Variants in RMND1 observed in about 807,000 individuals in gnomAD.
RMND1 encodes the protein required for meiotic nuclear division 1 homolog, also known as required for meiotic nuclear division protein 1 homolog.
A neutral mutation model predicts 54.0 loss-of-function variants in RMND1; 41 were observed. That is an observed-to-expected ratio of 0.76 (90% confidence interval 0.59 to 0.98). The LOEUF (loss-of-function observed/expected upper bound fraction) is 0.98, where lower values mean the gene tolerates loss of function less well. Ranked by LOEUF, RMND1 falls within the 50% of genes least tolerant of loss-of-function variation. RMND1 has a pLI of 0.00. For synonymous variants in RMND1, 183 were observed against 181.7 expected (o/e 1.01, Z -0.06); for missense variants, 457 against 532.0 (o/e 0.86, Z 1.39).
In RMND1 at chr6:151,436,681, A is replaced by C; in HGVS notation, c.505-127T>G. 3 of 787,016 alleles carry C rather than the reference A, an allele frequency of 3.8e-6. No individual in the cohort carries two copies. The African/African-American group carries it at 5.1e-5, about 13-fold the overall frequency. 48.8% of individuals were successfully genotyped at this position (787,016 alleles called of 1,614,324 possible). On this transcript the variant is annotated intron_variant, in intron 2 of 11. Coordinates refer to ENST00000444024, the MANE Select transcript of RMND1 (RefSeq NM_017909.4). ...CCAGAATTTTCTTCAAACATCTCCA[A>C]GGGTGATACAAGGGATGGGATGAAG...
intron 8 of RMND1, among the ~76,000 whole-genome samples, chr6:151,421,679 C>T (rs1780154036): frequency 6.6e-6 from 1 of 152,098 alleles, no homozygotes; most frequent in Non-Finnish European, 1.5e-5. Context: ...ACTGAAATTT[C>T]AATATAACTT....
At position 151,405,777 on chromosome 6, in the gene RMND1, C is replaced by T. The variant is rs150395511; in HGVS notation, c.1260G>A (p.Leu420=). ...CCAAGCGGAGTGCCCTCTTCTCATT[C>T]AGGTGATTCCGCATTAGATCTGTTA... ...MELTDLMRNH[L]NEKRALRLEW... Residue 420 remains leucine, a synonymous_variant, in exon 11 of 12, where the codon CTG becomes CTA. Transcript: ENST00000444024. The T allele has an allele frequency of 3.1e-6, 5 of 1,612,644 alleles. No homozygotes were observed. Among genetic ancestry groups the T allele is most frequent in the Non-Finnish European group, 4.2e-6 (5 of 1,178,850 alleles).
At chr6:151,433,330 T>G (rs1421988939) in intron 3 of RMND1, 100 bp from the exon 4 acceptor site, 1 of 685,746 alleles carries the variant, frequency 1.5e-6, no homozygotes, top group East Asian at 2.7e-5. Flanking sequence ...GATCATTTCT[T>G]TATATACCAT....
At position 151,430,922 on chromosome 6, in the gene RMND1, C is replaced by CTTA. The variant is rs1780431788; in HGVS notation, c.690-748_690-746dup. On this transcript the variant is annotated intron_variant, in intron 4 of 11. Transcript: ENST00000444024. The stretch of plus-strand genomic sequence containing the variant: ...TTATTCTTGAAACATTTCTAAAGTA[C>CTTA]TTAGTATATGTGTGGGTCCATGCTT... Among the ~76,000 whole-genome samples the CTTA allele has an allele frequency of 3.3e-5, 5 of 152,062 alleles. No homozygotes were observed. In the South Asian group the frequency reaches 1.0e-3, roughly 32 times the overall value.
In RMND1 at chr6:151,425,946, C is replaced by CCT. The variant is rs568723629; in HGVS notation, c.830+1535_830+1536insAG. On this transcript the variant is annotated intron_variant, in intron 6 of 11. Transcript: ENST00000444024. Reference sequence around the variant, plus strand: ...TCTTCCCAAAGCTCTGCTTTTAACGCTTTTTTTTTTTTTTTGAGACAGAGT... The same window carrying CCT: ...TCTTCCCAAAGCTCTGCTTTTAACGCCTTTTTTTTTTTTTTTTGAGACAGAGT... Among the ~76,000 whole-genome samples, 5 of 137,712 alleles carry CCT rather than the reference C, an allele frequency of 3.6e-5. No individual in the cohort carries two copies. The East Asian group carries it at 6.4e-4, about 18-fold the overall frequency. 90.3% of individuals were successfully genotyped at this position (137,712 alleles called of 152,430 possible).
intron 2 of RMND1, 58 bp from the exon 3 acceptor site, chr6:151,436,612 G>T: frequency 6.4e-7 from 1 of 1,572,592 alleles, no homozygotes; most frequent in Non-Finnish European, 8.7e-7. Context: ...ATCTGTGACG[G>T]CTGCTGAGCA....
Position 151,406,361 on chromosome 6 carries a change from T to G in RMND1, c.1201-525A>C, listed in dbSNP as rs576350993. Among the ~76,000 whole-genome samples the G allele has an allele frequency of 2.0e-3, 299 of 151,302 alleles. 1 individual carries two copies. Among genetic ancestry groups the G allele is most frequent in the Non-Finnish European group, 3.0e-3 (204 of 67,880 alleles). ...ATTTGGATGTGACAACTTTTTTTTTTGTTGTTGTTGTTGTTTTTTGGGATG... is the reference window on the plus strand; with the variant it reads ...ATTTGGATGTGACAACTTTTTTTTTGGTTGTTGTTGTTGTTTTTTGGGATG... On this transcript the variant is annotated intron_variant, in intron 10 of 11. Coordinates refer to ENST00000444024, the MANE Select transcript of RMND1 (RefSeq NM_017909.4).
intron 6 of RMND1, among the ~76,000 whole-genome samples, chr6:151,426,899 A>G (rs1055622124): frequency 6.6e-6 from 1 of 151,816 alleles, no homozygotes; most frequent in Non-Finnish European, 1.5e-5. Context: ...CCTCCCGAGT[A>G]GCTGGGATTA....
chr6:151,430,278 G>A (rs1780416384), intron 4 of RMND1, 101 bp from the exon 5 acceptor site: 8 of 773,634 alleles, frequency 1.0e-5, no homozygotes, highest in Admixed American at 4.7e-5. Flanking sequence ...TACAGGATGC[G>A]ATTTTTCAAA....
chr6:151,447,252 C>G (rs377154945), intron 1 of RMND1, among the ~76,000 whole-genome samples: 5 of 152,146 alleles, frequency 3.3e-5, no homozygotes, highest in African/African-American at 1.2e-4. Context: ...TAAAGTCATC[C>G]TAAAAAGTTT....
intron 10 of RMND1, among the ~76,000 whole-genome samples, chr6:151,415,023 T>G (rs1414466091): frequency 2.0e-5 from 3 of 149,448 alleles, no homozygotes; most frequent in Non-Finnish European, 4.4e-5. Flanking sequence ...AGACTTACCT[T>G]AAAAGAATGG....
chr6:151,421,855 C>T (rs1167868937), intron 8 of RMND1, among the ~76,000 whole-genome samples: 10 of 151,866 alleles, frequency 6.6e-5, no homozygotes, highest in African/African-American at 2.4e-4. Flanking sequence ...GGCTCGTGGC[C>T]TGTAATGCTA....
At chr6:151,428,279 T>C (rs1780359339) in intron 5 of RMND1, among the ~76,000 whole-genome samples, 1 of 152,222 alleles carries the variant, frequency 6.6e-6, no homozygotes, top group African/African-American at 2.4e-5. Context: ...AGACTTTTTA[T>C]GTGTATATAT....
At chr6:151,449,794 G>A (rs915243811) in intron 1 of RMND1, among the ~76,000 whole-genome samples, 2 of 152,214 alleles carry the variant, frequency 1.3e-5, no homozygotes, top group Admixed American at 6.5e-5. Flanking sequence ...GATTACAGGC[G>A]CATGCCGCCA....
chr6:151,446,011 A>G lies in RMND1; in HGVS notation c.-14-186T>C, dbSNP rs1582971145. The G allele has an allele frequency of 1.4e-5, 8 of 556,598 alleles. No homozygotes were observed. The East Asian group carries it at 2.4e-4, about 17-fold the overall frequency. 34.5% of individuals were successfully genotyped at this position (556,598 alleles called of 1,614,324 possible). A position where few individuals can be genotyped will look rare whatever the true frequency, so the allele number is the denominator to read the frequency against. ...GTGTTTCTGCCACTTTGCCTTTAGC[A>G]ACATTTGGCCTTCTTCCTGGAAGAT... On this transcript the variant is annotated intron_variant, in intron 1 of 11. Coordinates refer to ENST00000444024, the MANE Select transcript of RMND1 (RefSeq NM_017909.4).
At chr6:151,410,446 T>C (rs182303292) in intron 10 of RMND1, among the ~76,000 whole-genome samples, 1 of 152,300 alleles carries the variant, frequency 6.6e-6, no homozygotes, top group Admixed American at 6.5e-5. Context: ...ATGCCAGCAC[T>C]ATGCTGAGCC....
intron 2 of RMND1, 21 bp downstream of exon 2, chr6:151,445,287 C>T: frequency 6.3e-7 from 1 of 1,586,082 alleles, no homozygotes. Context: ...AGCACGAGAG[C>T]CACGGCCACC....
chr6:151,411,851 A>G (rs1486328115), intron 10 of RMND1: 1 of 152,168 alleles, frequency 6.6e-6, no homozygotes, highest in Non-Finnish European at 1.5e-5. Flanking sequence ...TAGTATGAGG[A>G]TCGTGTAGGT....
At chr6:151,448,820 G>A (rs1396603231) in intron 1 of RMND1, among the ~76,000 whole-genome samples, 1 of 152,146 alleles carries the variant, frequency 6.6e-6, no homozygotes, top group Non-Finnish European at 1.5e-5. Context: ...CAGGCATGGC[G>A]GCTCACGCCT....
Sources: gnomAD v4.1 joint callset for allele counts (sites outside exome capture counted in the v4.1 genomes callset) on GRCh38, gnomAD v4.1.1 for gene constraint, MANE v1.5 for transcripts, NCBI Gene and HGNC (gene_info 2026-07-23, HGNC 2026-07-21) for gene names.